The following SAMD4A variants were observed in gnomAD, a reference collection of about 807,000 sequenced individuals.
SAMD4A encodes the protein protein Smaug homolog 1.
A neutral mutation model predicts 81.3 loss-of-function variants in SAMD4A; 33 were observed. The ratio of observed to expected loss-of-function variants is 0.41; its 90% CI spans 0.31 to 0.54. The LOEUF (loss-of-function observed/expected upper bound fraction) is 0.54, where lower values mean the gene tolerates loss of function less well. Ranked by LOEUF, SAMD4A falls within the 20% of genes least tolerant of loss-of-function variation. The pLI is 0.37. For synonymous variants in SAMD4A, 389 were observed against 382.1 expected (o/e 1.02, Z -0.21); for missense variants, 854 against 951.1 (o/e 0.90, Z 1.34).
At chr14:54,745,070 C>T (rs7142667) in intron 4 of SAMD4A, among the ~76,000 whole-genome samples, 152,023 of 152,336 alleles carry the variant, frequency 1, 75,857 homozygotes, top group Middle Eastern at 1. Flanking sequence ...TTCTTTCTCC[C>T]CTGCCACGCA....
intron 11 of SAMD4A, among the ~76,000 whole-genome samples, chr14:54,783,709 T>C (rs897131337): frequency 3.3e-5 from 5 of 152,226 alleles, no homozygotes; most frequent in Non-Finnish European, 5.9e-5. Flanking sequence ...TTGGCTAACT[T>C]TGATGAGTGA....
rs148837559 is a variant in SAMD4A at position 54,768,967 on chromosome 14, T to A, written c.1597-1137T>A. Among the ~76,000 whole-genome samples the A allele has an allele frequency of 4.5e-3, 686 of 152,380 alleles. 5 individuals carry two copies. Among genetic ancestry groups the A allele is most frequent in the African/African-American group, 0.016 (650 of 41,596 alleles). On this transcript the variant is annotated intron_variant, in intron 8 of 12. Coordinates refer to ENST00000554335, the MANE Select transcript of SAMD4A (RefSeq NM_015589.6). ...GTTTCCTTTATGGGAACTAGTCATT[T>A]AGTCTGTTACTGAGTAATATTTTAT... is the stretch of plus-strand genomic sequence containing the variant.
At chr14:54,708,652 G>T (rs2036915489) in intron 3 of SAMD4A, among the ~76,000 whole-genome samples, 1 of 152,190 alleles carries the variant, frequency 6.6e-6, no homozygotes. Context: ...AACCCTTGAG[G>T]TTGGAGAAAA....
intron 2 of SAMD4A, among the ~76,000 whole-genome samples, chr14:54,637,365 CAA>C (rs1172084217): frequency 1.6e-4 from 10 of 63,786 alleles, no homozygotes; most frequent in African/African-American, 6.3e-4. Flanking sequence ...AACTCCATCT[CAA>C]AAAAAAAAAA....
chr14:54,609,089 A>C (rs1010919960), intron 2 of SAMD4A, among the ~76,000 whole-genome samples: 3 of 152,220 alleles, frequency 2.0e-5, no homozygotes, highest in African/African-American at 2.4e-5. Context: ...GTTATGTTAC[A>C]TGGAGTAGGG....
intron 2 of SAMD4A, among the ~76,000 whole-genome samples, chr14:54,621,774 T>C (rs1477433934): frequency 6.6e-6 from 1 of 152,202 alleles, no homozygotes; most frequent in Non-Finnish European, 1.5e-5. Flanking sequence ...TTACAGGACA[T>C]TGATGCTTTC....
intron 3 of SAMD4A, among the ~76,000 whole-genome samples, chr14:54,736,567 G>A (rs556459181): frequency 1.1e-4 from 16 of 152,236 alleles, no homozygotes; most frequent in Non-Finnish European, 1.5e-4. Context: ...TGGCCAGCCC[G>A]GCTGCCCTTC....
chr14:54,743,302 T>C (rs1473700599), intron 4 of SAMD4A, among the ~76,000 whole-genome samples: 2 of 152,250 alleles, frequency 1.3e-5, no homozygotes, highest in Admixed American at 6.5e-5. Context: ...ATGTGCTTTA[T>C]TTTTGTTTTT....
At chr14:54,729,491 C>G (rs2037506443) in intron 3 of SAMD4A, among the ~76,000 whole-genome samples, 1 of 152,192 alleles carries the variant, frequency 6.6e-6, no homozygotes, top group African/African-American at 2.4e-5. Context: ...TAAATTCACT[C>G]CTGGCCACTT....
At chr14:54,659,779 A>G (rs1161218663) in intron 2 of SAMD4A, among the ~76,000 whole-genome samples, 2 of 152,174 alleles carry the variant, frequency 1.3e-5, no homozygotes, top group Non-Finnish European at 1.5e-5. Context: ...TTTGGAAACT[A>G]CTTGTGCTGC....
At chr14:54,677,240 A>G (rs926585445) in intron 2 of SAMD4A, among the ~76,000 whole-genome samples, 1 of 152,244 alleles carries the variant, frequency 6.6e-6, no homozygotes, top group Non-Finnish European at 1.5e-5. Flanking sequence ...ACACTTTGTA[A>G]TGTTTGGGCA....
chr14:54,604,403 CAAGA>C (rs1279887591), intron 2 of SAMD4A, among the ~76,000 whole-genome samples: 1 of 152,152 alleles, frequency 6.6e-6, no homozygotes, highest in African/African-American at 2.4e-5. Context: ...GCTCTTGAAT[CAAGA>C]AAGAAAGGAA....
At chr14:54,681,389 G>GTT (rs2036124403) in intron 2 of SAMD4A, among the ~76,000 whole-genome samples, 1 of 152,144 alleles carries the variant, frequency 6.6e-6, no homozygotes, top group Admixed American at 6.6e-5. Flanking sequence ...GTGTGTGTGT[G>GTT]TATTGATCAT....
At chr14:54,673,417 A>C (rs1373841805) in intron 2 of SAMD4A, among the ~76,000 whole-genome samples, 1 of 152,234 alleles carries the variant, frequency 6.6e-6, no homozygotes, top group Non-Finnish European at 1.5e-5. Context: ...AATACAGGCA[A>C]TAAAAACATT....
intron 2 of SAMD4A, among the ~76,000 whole-genome samples, chr14:54,635,356 C>T (rs1475297788): frequency 6.6e-6 from 1 of 151,478 alleles, no homozygotes; most frequent in Non-Finnish European, 1.5e-5. Context: ...ACCCAGGAGG[C>T]GGAGGTTGCA....
chr14:54,611,907 C>A (rs2034367930), intron 2 of SAMD4A, among the ~76,000 whole-genome samples: 1 of 151,596 alleles, frequency 6.6e-6, no homozygotes, highest in Non-Finnish European at 1.5e-5. Context: ...AGAAAAGAAG[C>A]CAGTAATAAC....
rs2038486432 is a variant in SAMD4A at position 54,764,543 on chromosome 14, G to A, written c.1596+3G>A. ...TAGACAAGTGTCTAATTCATGAGGT[G>A]AGTAGTGACAGGTTTTACAAAACCA... On this transcript the variant is annotated splice_donor_region_variant and intron_variant, in intron 8 of 12. Coordinates refer to ENST00000554335, the MANE Select transcript of SAMD4A (RefSeq NM_015589.6). The A allele has an allele frequency of 5.7e-6, 9 of 1,588,548 alleles. No homozygotes were observed. Among genetic ancestry groups the A allele is most frequent in the Non-Finnish European group, 5.1e-6 (6 of 1,165,112 alleles).
chr14:54,760,622 C>T, intron 7 of SAMD4A, 128 bp downstream of exon 7: 3 of 1,332,012 alleles, frequency 2.3e-6, no homozygotes, highest in Non-Finnish European at 2.9e-6. Context: ...CTTCATCTTA[C>T]AGATAGGGAA....
chr14:54,658,137 C>G (rs1474314227), intron 2 of SAMD4A, among the ~76,000 whole-genome samples: 1 of 152,074 alleles, frequency 6.6e-6, no homozygotes, highest in East Asian at 1.9e-4. Flanking sequence ...TGGCGAAACC[C>G]CGTCACCACA....
Sources: allele counts gnomAD v4.1 joint callset (sites outside exome capture counted in the v4.1 genomes callset), GRCh38; gene constraint gnomAD v4.1.1; transcripts MANE v1.5; gene names NCBI Gene and HGNC (gene_info 2026-07-23, HGNC 2026-07-21).